The following OTOA variants were observed in gnomAD, a reference collection of about 807,000 sequenced individuals.
OTOA encodes the protein otoancorin, also known as cancer/testis antigen 108.
A neutral mutation model predicts 110.8 loss-of-function variants in OTOA; 70 were observed. That is an observed-to-expected ratio of 0.63 (90% CI 0.52 to 0.77). The LOEUF is 0.77. Among genes scored for constraint, OTOA ranks in the 30% least tolerant of loss-of-function variants. The pLI is 0.00. For missense variants in OTOA, 917 were observed against 1,075.8 expected, an observed-to-expected ratio of 0.85 and a Z score of 2.06; for synonymous variants, 373 against 431.5, an observed-to-expected ratio of 0.86 and a Z score of 1.68.
intron 20 of OTOA, among the ~76,000 whole-genome samples, chr16:21,729,042 ATTTT>A (rs11464811): frequency 6.8e-6 from 1 of 148,100 alleles, no homozygotes; most frequent in Non-Finnish European, 1.5e-5. Context: ...TTTAAAGACT[ATTTT>A]TTTTTTAAAT....
At chr16:21,731,506 G>A (rs111784112) in intron 21 of OTOA, among the ~76,000 whole-genome samples, 36 of 152,294 alleles carry the variant, frequency 2.4e-4, no homozygotes, top group East Asian at 1.7e-3. Flanking sequence ...TTTGTGGGTC[G>A]CTGGGGCAGC....
intron 1 of OTOA, among the ~76,000 whole-genome samples, chr16:21,665,390 T>C (rs1169610400): frequency 6.6e-6 from 1 of 152,194 alleles, no homozygotes; most frequent in Non-Finnish European, 1.5e-5. Context: ...CTACAAGAAT[T>C]AAGCGAGACA....
In OTOA at chr16:21,709,953, G is replaced by A; in HGVS notation, c.1170G>A (p.Leu390=). 2 of 1,614,030 alleles carry A rather than the reference G, an allele frequency of 1.2e-6. No individual in the cohort carries two copies. The highest frequency in any genetic ancestry group is 2.2e-5 in the South Asian group (2 of 91,082). ...NQTLNETLGS[L]SDAVVGLTYS... Reference sequence around the variant, plus strand: ...CCCTCAATGAGACCCTGGGTTCTTTGTCGGATGCAGTTGTAGGTTTGACCT... The same window carrying A: ...CCCTCAATGAGACCCTGGGTTCTTTATCGGATGCAGTTGTAGGTTTGACCT... The change falls in exon 13 of 29, where the codon TTG becomes TTA. Residue 390 remains leucine, a synonymous_variant. Coordinates refer to ENST00000646100, the MANE Select transcript of OTOA (RefSeq NM_144672.4).
chr16:21,757,975 C>T lies in OTOA; in HGVS notation c.3349+698C>T, dbSNP rs661591. ...CTGGGCACCTACTATGTTCCAAGTC[C>T]GCAGTAGGGGCTGGGAATACAGAGG... On this transcript the variant is annotated intron_variant, in intron 28 of 28. Coordinates refer to ENST00000646100, the MANE Select transcript of OTOA (RefSeq NM_144672.4). 7.7e-3 allele frequency among the ~76,000 whole-genome samples: 1,157 copies of T among 150,050 alleles called. 20 individuals carry two copies. The highest frequency in any genetic ancestry group is 0.028 in the Admixed American group (431 of 15,204).
chr16:21,695,887 A>ATTTTTTTT (rs1205590889), intron 9 of OTOA, among the ~76,000 whole-genome samples: 14 of 61,624 alleles, frequency 2.3e-4, no homozygotes, highest in Non-Finnish European at 2.8e-4. Flanking sequence ...ATATATATAT[A>ATTTTTTTT]TATATTTTTT....
At chr16:21,670,988 G>T (rs1966848288) in intron 1 of OTOA, among the ~76,000 whole-genome samples, 1 of 152,074 alleles carries the variant, frequency 6.6e-6, no homozygotes, top group African/African-American at 2.4e-5. Context: ...GGGAATGAGG[G>T]GCAAAGAGGA....
intron 17 of OTOA, chr16:21,721,248 C>CACACAT (rs1898727783): frequency 5.6e-5 from 25 of 443,366 alleles, no homozygotes; most frequent in South Asian, 3.8e-4. Context: ...CACACACACA[C>CACACAT]ACACACACAC....
At chr16:21,723,097 T>A (rs1377991674) in intron 18 of OTOA, 119 bp downstream of exon 18, 1 of 959,674 alleles carries the variant, frequency 1.0e-6, no homozygotes, top group Non-Finnish European at 1.7e-6. Flanking sequence ...GAGTGGAGGA[T>A]GCCTTAGAGA....
chr16:21,693,605 G>A (rs1248689992), intron 9 of OTOA, among the ~76,000 whole-genome samples: 5 of 152,044 alleles, frequency 3.3e-5, no homozygotes, highest in Admixed American at 6.6e-5. Flanking sequence ...TTGTTGAGAC[G>A]GAGTCTTACT....
intron 1 of OTOA, among the ~76,000 whole-genome samples, chr16:21,667,875 T>TA (rs1205633981): frequency 1.3e-5 from 2 of 152,148 alleles, no homozygotes; most frequent in Non-Finnish European, 2.9e-5. Flanking sequence ...CTTTTGGTTT[T>TA]AAAAAACTAT....
intron 26 of OTOA, 22 bp downstream of exon 26, chr16:21,752,527 C>T: frequency 3.1e-6 from 1 of 324,242 alleles, no homozygotes; most frequent in Non-Finnish European, 6.0e-6. Context: ...CCTGAGCATA[C>T]CTTTCTCTCT....
At chr16:21,735,890 C>A (rs462864) in intron 21 of OTOA, among the ~76,000 whole-genome samples, 1 of 151,974 alleles carries the variant, frequency 6.6e-6, no homozygotes, top group South Asian at 2.1e-4. Flanking sequence ...CACCACACCT[C>A]GCCTAACCTA....
chr16:21,736,234 C>A (rs750602384), intron 21 of OTOA, 27 bp from the exon 22 acceptor site: 92 of 1,583,022 alleles, frequency 5.8e-5, no homozygotes, highest in Middle Eastern at 1.7e-4. Context: ...AATTATTATT[C>A]CTCTTCTTTC....
chr16:21,755,447 C>T (rs1410836648), intron 27 of OTOA, among the ~76,000 whole-genome samples: 4 of 68,612 alleles, frequency 5.8e-5, no homozygotes, highest in Non-Finnish European at 1.3e-4. Flanking sequence ...ACCACCCCAC[C>T]GTGTGTGTGT....
chr16:21,681,818 G>T lies in OTOA; in HGVS notation c.260G>T (p.Ser87Ile). 6.2e-7 allele frequency: 1 copy of T among 1,613,592 alleles called. No homozygotes were observed. The highest frequency in any genetic ancestry group is 8.5e-7 in the Non-Finnish European group (1 of 1,179,526). The change falls in exon 6 of 29, where the codon AGC becomes ATC. Residue 87 changes from serine to isoleucine, a missense_variant. Coordinates refer to ENST00000646100, the MANE Select transcript of OTOA (RefSeq NM_144672.4). The stretch of plus-strand genomic sequence containing the variant: ...CGGAATGTTGCCTTCACCATCCCCA[G>T]CCTGCAGGTGTGTACCTGAGACCCA... ...NSRNVAFTIP[S>I]LQAAVENHLE...
intron 13 of OTOA, among the ~76,000 whole-genome samples, chr16:21,713,669 G>C (rs1023437810): frequency 6.6e-6 from 1 of 152,160 alleles, no homozygotes; most frequent in African/African-American, 2.4e-5. Flanking sequence ...ATTGAACCCA[G>C]GGCACCTGGC....
At chr16:21,750,106 C>T (rs1305791347) in intron 24 of OTOA, among the ~76,000 whole-genome samples, 2 of 152,300 alleles carry the variant, frequency 1.3e-5, no homozygotes, top group African/African-American at 4.8e-5. Flanking sequence ...CCAACACAAA[C>T]TGGCTTGAAC....
intron 9 of OTOA, among the ~76,000 whole-genome samples, chr16:21,697,037 CTTTTTTT>C (rs56124254): frequency 1.7e-4 from 11 of 65,046 alleles, no homozygotes; most frequent in Admixed American, 7.2e-4. Flanking sequence ...CTACAGCTGG[CTTTTTTT>C]TTTTTTTTTT....
intron 21 of OTOA, among the ~76,000 whole-genome samples, chr16:21,733,686 C>T (rs1348439882): frequency 1.3e-5 from 2 of 150,836 alleles, no homozygotes; most frequent in East Asian, 3.9e-4. Context: ...ATGGCACTTT[C>T]TCCAAGGCAA....
Sources: gnomAD v4.1 joint callset for allele counts (sites outside exome capture counted in the v4.1 genomes callset) on GRCh38, gnomAD v4.1.1 for gene constraint, MANE v1.5 for transcripts, NCBI Gene and HGNC (gene_info 2026-07-23, HGNC 2026-07-21) for gene names.